PRPSAP2: variants seen among roughly 807,000 people sequenced by gnomAD.
PRPSAP2 encodes phosphoribosyl pyrophosphate synthetase associated protein 2, also known as phosphoribosyl pyrophosphate synthase-associated protein 2.
In PRPSAP2, 24 loss-of-function variants were observed where a neutral mutation model predicts 40.6. The observed-to-expected ratio is 0.59, with a 90% CI of 0.43 to 0.83. The LOEUF is 0.83. PRPSAP2 is among the 40% of genes least tolerant of loss of function. The pLI, the probability that PRPSAP2 is intolerant of heterozygous loss-of-function variation, is 0.00. For synonymous variants in PRPSAP2, 149 were observed against 164.7 expected, an observed-to-expected ratio of 0.90 and a Z score of 0.73; for missense variants, 292 against 465.6, an observed-to-expected ratio of 0.63 and a Z score of 3.43.
chr17:18,900,335 T>C (rs1373074377), intron 8 of PRPSAP2, among the ~76,000 whole-genome samples: 1 of 152,232 alleles, frequency 6.6e-6, no homozygotes, highest in African/African-American at 2.4e-5. Context: ...GGTCTTTTTT[T>C]ATACCTTCTA....
intron 9 of PRPSAP2, among the ~76,000 whole-genome samples, chr17:18,917,839 C>G (rs988402515): frequency 1.3e-5 from 2 of 151,366 alleles, no homozygotes; most frequent in Admixed American, 6.6e-5. Flanking sequence ...TAGGTGTGGT[C>G]TGGACTTCTT....
At chr17:18,892,382 G>T (rs111640984) in intron 8 of PRPSAP2, among the ~76,000 whole-genome samples, 1 of 151,848 alleles carries the variant, frequency 6.6e-6, no homozygotes, top group African/African-American at 2.4e-5. Flanking sequence ...TGGCAGTTTC[G>T]TTTATGTTTT....
chr17:18,905,734 C>G (rs1032656848), intron 8 of PRPSAP2, among the ~76,000 whole-genome samples: 1 of 152,132 alleles, frequency 6.6e-6, no homozygotes, highest in East Asian at 1.9e-4. Flanking sequence ...GCATGTGCCA[C>G]CACACCCGGC....
At chr17:18,910,982 T>G in intron 8 of PRPSAP2, 121 bp from the exon 9 acceptor site, 1 of 1,224,010 alleles carries the variant, frequency 8.2e-7, no homozygotes, top group Non-Finnish European at 1.1e-6. Flanking sequence ...TTATTCTCTC[T>G]TTTCTTTAGT....
At chr17:18,892,261 T>C (rs2039595630) in intron 8 of PRPSAP2, among the ~76,000 whole-genome samples, 1 of 152,180 alleles carries the variant, frequency 6.6e-6, no homozygotes, top group Non-Finnish European at 1.5e-5. Context: ...ACCGTTTGGC[T>C]ATTATGAATA....
chr17:18,919,650 A>AT (rs2151966226), intron 9 of PRPSAP2, among the ~76,000 whole-genome samples: 1 of 152,328 alleles, frequency 6.6e-6, no homozygotes, highest in East Asian at 1.9e-4. Flanking sequence ...TGTGTGACAG[A>AT]GTGAGACCCT....
chr17:18,891,693 T>C (rs1468854074), intron 8 of PRPSAP2, among the ~76,000 whole-genome samples: 6 of 152,198 alleles, frequency 3.9e-5, no homozygotes, highest in Non-Finnish European at 8.8e-5. Context: ...AACATTTTCG[T>C]CTTCCCAGAA....
intron 4 of PRPSAP2, 127 bp downstream of exon 4, chr17:18,867,461 C>A: frequency 8.8e-7 from 1 of 1,137,206 alleles, no homozygotes; most frequent in South Asian, 1.4e-5. Flanking sequence ...AGAAGTCAGG[C>A]AGGCAAGGTA....
chr17:18,874,695 G>A (rs1469320493), intron 5 of PRPSAP2, among the ~76,000 whole-genome samples: 1 of 152,230 alleles, frequency 6.6e-6, no homozygotes, highest in African/African-American at 2.4e-5. Flanking sequence ...TGGGGGCACG[G>A]AGCGCCAACT....
At chr17:18,916,028 C>G (rs1353206903) in intron 9 of PRPSAP2, among the ~76,000 whole-genome samples, 1 of 152,052 alleles carries the variant, frequency 6.6e-6, no homozygotes, top group Admixed American at 6.6e-5. Context: ...CCTTGTTGCC[C>G]AGGCTGGTTG....
intron 8 of PRPSAP2, among the ~76,000 whole-genome samples, chr17:18,894,093 T>TCCAC (rs1160391041): frequency 6.6e-6 from 1 of 151,868 alleles, no homozygotes; most frequent in Non-Finnish European, 1.5e-5. Context: ...CCTCAGGTGA[T>TCCAC]CCACCCACCT....
At chr17:18,909,583 A>G (rs2040831794) in intron 8 of PRPSAP2, among the ~76,000 whole-genome samples, 1 of 151,998 alleles carries the variant, frequency 6.6e-6, no homozygotes, top group Admixed American at 6.6e-5. Context: ...TACACCTACT[A>G]TATGATCCAG....
chr17:18,915,401 A>C (rs2041248828), intron 9 of PRPSAP2, among the ~76,000 whole-genome samples: 1 of 152,134 alleles, frequency 6.6e-6, no homozygotes, highest in Admixed American at 6.6e-5. Context: ...CTTTCTTTAC[A>C]GCTGTTTTCT....
chr17:18,869,841 T>TG lies in PRPSAP2; in HGVS notation c.172+2507_172+2508insG, dbSNP rs61003751. On this transcript the variant is annotated intron_variant, in intron 4 of 11. Coordinates refer to ENST00000268835, the MANE Select transcript of PRPSAP2 (RefSeq NM_002767.4). ...TCTGTTCCCATTTTGCTACTTTTTT[T>TG]TTGTGTGTGTGTGTGTGTGTGTGTG... Among the ~76,000 whole-genome samples, 531 of 94,998 alleles carry TG rather than the reference T, an allele frequency of 5.6e-3. 4 individuals carry two copies. The highest frequency in any genetic ancestry group is 7.1e-3 in the Non-Finnish European group (299 of 42,406). 62.3% of individuals were successfully genotyped at this position (94,998 alleles called of 152,430 possible).
At chr17:18,908,470 G>A in intron 8 of PRPSAP2, 1 of 760,296 alleles carries the variant, frequency 1.3e-6, no homozygotes, top group Non-Finnish European at 2.5e-6. Context: ...CAGAATGGAA[G>A]GAGTGAGGCA....
chr17:18,877,945 A>T (rs1292041349), intron 6 of PRPSAP2, 75 bp downstream of exon 6: 1 of 1,450,854 alleles, frequency 6.9e-7, no homozygotes, highest in African/African-American at 1.4e-5. Flanking sequence ...TTTTTAAGAC[A>T]GGGTCTTGCC....
chr17:18,926,387 C>T (rs2041976222), intron 10 of PRPSAP2, among the ~76,000 whole-genome samples: 1 of 151,786 alleles, frequency 6.6e-6, no homozygotes, highest in African/African-American at 2.4e-5. Context: ...CTGCCTCAGC[C>T]TCCCAAGTAG....
chr17:18,887,851 T>A (rs1196056485), intron 7 of PRPSAP2, among the ~76,000 whole-genome samples: 1 of 33,762 alleles, frequency 3.0e-5, no homozygotes, highest in African/African-American at 1.2e-4. Flanking sequence ...TTTTTTTTTT[T>A]TAATTTATTT....
At chr17:18,893,247 C>T (rs1270863169) in intron 8 of PRPSAP2, among the ~76,000 whole-genome samples, 3 of 147,500 alleles carry the variant, frequency 2.0e-5, no homozygotes, top group African/African-American at 7.5e-5. Context: ...CTCCCGGGTA[C>T]AAGCGAGTCT....
Sources: allele counts gnomAD v4.1 joint callset (sites outside exome capture counted in the v4.1 genomes callset), GRCh38; gene constraint gnomAD v4.1.1; transcripts MANE v1.5; gene names NCBI Gene and HGNC (gene_info 2026-07-23, HGNC 2026-07-21).